KIAA1958: variants seen among roughly 807,000 people sequenced by gnomAD.
KIAA1958 encodes uncharacterized protein KIAA1958.
KIAA1958 carries 14 observed loss-of-function variants against 47.2 expected under a neutral mutation model. The observed-to-expected ratio is 0.30, with a 90% CI of 0.20 to 0.46. KIAA1958 has a LOEUF of 0.46. Among genes scored for constraint, KIAA1958 ranks in the 20% least tolerant of loss-of-function variants. The pLI is 1.00. For synonymous variants in KIAA1958, 354 were observed against 353.3 expected (o/e 1.00, Z -0.02); for missense variants, 803 against 909.2 (o/e 0.88, Z 1.50).
At chr9:112,644,994 A>T (rs1836951673) in intron 2 of KIAA1958, among the ~76,000 whole-genome samples, 1 of 142,016 alleles carries the variant, frequency 7.0e-6, no homozygotes, top group Non-Finnish European at 1.6e-5. Flanking sequence ...AATTAGCCAG[A>T]CGTGATGGCA....
Position 112,561,290 on chromosome 9 carries a change from G to A in KIAA1958, c.-24-12767G>A, listed in dbSNP as rs368777133. Among the ~76,000 whole-genome samples the A allele has an allele frequency of 5.4e-4, 82 of 152,088 alleles. 1 individual carries two copies. In the East Asian group the frequency reaches 0.013, roughly 23 times the overall value. ...AGGATGGTCTCAGTCTCCTGACCTC[G>A]CGATCTGCCTGCCTCGGCCTCCCAA... is the stretch of plus-strand genomic sequence containing the variant. On this transcript the variant is annotated intron_variant, in intron 1 of 3. Transcript: ENST00000337530.
intron 3 of KIAA1958, among the ~76,000 whole-genome samples, chr9:112,646,503 G>T (rs1668847398): frequency 6.6e-6 from 1 of 152,296 alleles, no homozygotes; most frequent in East Asian, 1.9e-4. Flanking sequence ...GGAAATAATT[G>T]GAAGTGATGA....
chr9:112,622,754 A>G (rs897908380), intron 2 of KIAA1958, among the ~76,000 whole-genome samples: 1 of 152,158 alleles, frequency 6.6e-6, no homozygotes, highest in African/African-American at 2.4e-5. Context: ...ATTAGCTGAA[A>G]CTTTCATAGC....
chr9:112,658,003 C>T (rs758908302), intron 3 of KIAA1958, among the ~76,000 whole-genome samples: 13 of 152,090 alleles, frequency 8.5e-5, no homozygotes, highest in Non-Finnish European at 1.6e-4. Flanking sequence ...ACTACAGGCA[C>T]ACACAACCAT....
intron 3 of KIAA1958, among the ~76,000 whole-genome samples, chr9:112,655,433 G>C (rs1240319943): frequency 6.6e-6 from 1 of 152,098 alleles, no homozygotes; most frequent in Non-Finnish European, 1.5e-5. Flanking sequence ...CAAAAAAAGA[G>C]ATTGAATCAT....
At chr9:112,635,926 C>CTACAG (rs1836798091) in intron 2 of KIAA1958, among the ~76,000 whole-genome samples, 1 of 151,506 alleles carries the variant, frequency 6.6e-6, no homozygotes, top group Non-Finnish European at 1.5e-5. Context: ...TTCTAAATTT[C>CTACAG]TTGGTACAGT....
chr9:112,501,939 C>G (rs1253347478), intron 1 of KIAA1958, among the ~76,000 whole-genome samples: 4 of 152,108 alleles, frequency 2.6e-5, no homozygotes, highest in African/African-American at 4.8e-5. Context: ...TAATAAAACC[C>G]TAATAAATAA....
intron 3 of KIAA1958, among the ~76,000 whole-genome samples, chr9:112,658,501 CAATAAT>C (rs996927301): frequency 6.6e-6 from 1 of 151,970 alleles, no homozygotes; most frequent in Non-Finnish European, 1.5e-5. Context: ...TACAAACAAC[CAATAAT>C]AATAAGTGTG....
chr9:112,528,614 C>T (rs944351537), intron 1 of KIAA1958, among the ~76,000 whole-genome samples: 4 of 152,164 alleles, frequency 2.6e-5, no homozygotes, highest in African/African-American at 9.7e-5. Context: ...CCTCTGCCTC[C>T]TGGGTTCAAG....
chr9:112,520,556 G>A (rs1041662598), intron 1 of KIAA1958, among the ~76,000 whole-genome samples: 23 of 152,176 alleles, frequency 1.5e-4, no homozygotes, highest in South Asian at 1.4e-3. Context: ...AGAAGCAGAA[G>A]CACTGATTGA....
intron 1 of KIAA1958, among the ~76,000 whole-genome samples, chr9:112,544,315 A>G (rs1834993598): frequency 6.6e-6 from 1 of 152,206 alleles, no homozygotes; most frequent in Non-Finnish European, 1.5e-5. Flanking sequence ...ACTCATGAAA[A>G]ACTCAGAGTT....
chr9:112,488,035 A>G (rs1833899132), intron 1 of KIAA1958, among the ~76,000 whole-genome samples: 1 of 151,964 alleles, frequency 6.6e-6, no homozygotes, highest in Non-Finnish European at 1.5e-5. Flanking sequence ...GCAAGACGGA[A>G]TCCTCTCCCG....
chr9:112,563,079 C>CTA (rs1376012422), intron 1 of KIAA1958, among the ~76,000 whole-genome samples: 1 of 75,920 alleles, frequency 1.3e-5, no homozygotes, highest in African/African-American at 6.8e-5. Context: ...CTCTCTCTCT[C>CTA]TCTCTCTATA....
At chr9:112,560,958 T>C (rs558802356) in intron 1 of KIAA1958, among the ~76,000 whole-genome samples, 1 of 152,170 alleles carries the variant, frequency 6.6e-6, no homozygotes, top group Admixed American at 6.5e-5. Context: ...TCTTCAGCAA[T>C]TAACTTAAAT....
chr9:112,593,264 C>A (rs1709794155), intron 2 of KIAA1958, among the ~76,000 whole-genome samples: 1 of 152,220 alleles, frequency 6.6e-6, no homozygotes, highest in Non-Finnish European at 1.5e-5. Flanking sequence ...CGTAGTGGAA[C>A]TAAACTGCAG....
At position 112,574,883 on chromosome 9, in the gene KIAA1958, G is replaced by T; in HGVS notation, c.803G>T (p.Gly268Val). The T allele has an allele frequency of 6.2e-7, 1 of 1,614,066 alleles. No individual in the cohort carries two copies. Among genetic ancestry groups the T allele is most frequent in the Non-Finnish European group, 8.5e-7 (1 of 1,180,016 alleles). ...SAISTELDPH[G>V]MSASPSVISR... ...ATCAGCACGGAGCTAGACCCACACG[G>T]TATGTCTGCATCCCCCTCTGTGATC... Residue 268 changes from glycine (G) to valine (V), a missense_variant, in exon 2 of 4, where the codon GGT becomes GTT. Gly to Val is a moderately radical substitution (Grantham distance 109). Transcript: ENST00000337530.
intron 2 of KIAA1958, among the ~76,000 whole-genome samples, chr9:112,624,905 G>A (rs1836579858): frequency 6.6e-6 from 1 of 152,160 alleles, no homozygotes; most frequent in Admixed American, 6.5e-5. Flanking sequence ...GATTTTCAAT[G>A]CTGTGAAGAG....
At chr9:112,527,026 G>C (rs970346681) in intron 1 of KIAA1958, among the ~76,000 whole-genome samples, 1 of 152,066 alleles carries the variant, frequency 6.6e-6, no homozygotes, top group African/African-American at 2.4e-5. Flanking sequence ...CTTAACTTTC[G>C]AGTAGATAAT....
intron 2 of KIAA1958, among the ~76,000 whole-genome samples, chr9:112,639,235 T>G (rs1433201561): frequency 6.6e-6 from 1 of 152,180 alleles, no homozygotes; most frequent in Non-Finnish European, 1.5e-5. Flanking sequence ...GTATTGCATT[T>G]AGTTATATCC....
Sources: allele counts gnomAD v4.1 joint callset (sites outside exome capture counted in the v4.1 genomes callset), GRCh38; gene constraint gnomAD v4.1.1; transcripts MANE v1.5; gene names NCBI Gene and HGNC (gene_info 2026-07-23, HGNC 2026-07-21).